Variants in BZW2 observed in about 807,000 individuals in gnomAD.
The protein encoded by BZW2 is basic leucine zipper and W2 domains 2.
Under a neutral mutation model 53.2 loss-of-function variants are expected in BZW2, and 23 were observed. That is an observed-to-expected ratio of 0.43 (90% confidence interval 0.31 to 0.61). BZW2 has a LOEUF of 0.61. Among genes scored for constraint, BZW2 ranks in the 20% least tolerant of loss-of-function variants. The pLI is 0.09. For synonymous variants in BZW2, 227 were observed against 186.4 expected (o/e 1.22, Z -1.77); for missense variants, 409 against 503.1 (o/e 0.81, Z 1.79).
chr7:16,658,870 G>A (rs1052332133), intron 1 of BZW2, among the ~76,000 whole-genome samples: 5 of 149,400 alleles, frequency 3.3e-5, no homozygotes, highest in Admixed American at 1.3e-4. Flanking sequence ...GCAAGAATCC[G>A]TCTCAGAAAA....
chr7:16,674,180 G>A (rs1000193234), intron 2 of BZW2, among the ~76,000 whole-genome samples: 9 of 152,182 alleles, frequency 5.9e-5, no homozygotes, highest in East Asian at 1.9e-4. Context: ...GATTACAGGC[G>A]TGAGCCACCG....
chr7:16,665,934 C>G (rs761907226), intron 2 of BZW2, among the ~76,000 whole-genome samples: 9 of 152,110 alleles, frequency 5.9e-5, no homozygotes, highest in African/African-American at 9.7e-5. Flanking sequence ...CAAAATAAAT[C>G]TACTGCCCTA....
At chr7:16,698,004 C>T in intron 9 of BZW2, 44 bp from the exon 10 acceptor site, 1 of 1,611,442 alleles carries the variant, frequency 6.2e-7, no homozygotes. Flanking sequence ...CGGCTCTGTA[C>T]CTCCCACGCA....
At chr7:16,658,088 G>C (rs1267115836) in intron 1 of BZW2, among the ~76,000 whole-genome samples, 3 of 152,170 alleles carry the variant, frequency 2.0e-5, no homozygotes, top group African/African-American at 7.2e-5. Flanking sequence ...GATTGAATGA[G>C]CTGGCTAGCC....
In BZW2 at chr7:16,681,314, G is replaced by A. The variant is rs762860923; in HGVS notation, c.249G>A (p.Thr83=). ...TTCTCTTTTTAGCCCCTGGAGGAAC[G>A]CGCATAGATGATGGTGACAAGACCA... ...VAGSMLAPGG[T]RIDDGDKTKM... The change falls in exon 4 of 12, where the codon ACG becomes ACA. Residue 83 remains threonine (T), a synonymous_variant. Transcript: ENST00000258761. 46 of 1,613,620 alleles carry A rather than the reference G, an allele frequency of 2.9e-5. No individual in the cohort carries two copies. Among genetic ancestry groups the A allele is most frequent in the Middle Eastern group, 1.6e-4 (1 of 6,084 alleles).
At chr7:16,693,825 A>T (rs904726194) in intron 7 of BZW2, among the ~76,000 whole-genome samples, 5 of 152,232 alleles carry the variant, frequency 3.3e-5, no homozygotes, top group Non-Finnish European at 5.9e-5. Flanking sequence ...TTTTTGAAAC[A>T]TATGACTCAA....
intron 10 of BZW2, among the ~76,000 whole-genome samples, chr7:16,699,385 T>C (rs941727100): frequency 2.0e-5 from 3 of 152,182 alleles, no homozygotes; most frequent in Admixed American, 6.5e-5. Flanking sequence ...AATTCATAGA[T>C]GGTACCCAGC....
intron 8 of BZW2, chr7:16,696,101 C>T (rs1295579045): frequency 6.6e-6 from 1 of 151,278 alleles, no homozygotes; most frequent in Non-Finnish European, 1.5e-5. Context: ...GGCCAGAAGT[C>T]AAGAAAGCAA....
intron 10 of BZW2, chr7:16,698,407 A>G (rs1238184657): frequency 2.1e-6 from 1 of 467,868 alleles, no homozygotes; most frequent in Admixed American, 3.5e-5. Context: ...GCCCCTGGGC[A>G]CTTCTCATTG....
intron 1 of BZW2, among the ~76,000 whole-genome samples, chr7:16,654,534 A>G (rs1583699008): frequency 8.1e-6 from 1 of 123,228 alleles, no homozygotes. Flanking sequence ...AAAAAAACGG[A>G]TGATATTTAT....
intron 2 of BZW2, among the ~76,000 whole-genome samples, chr7:16,669,759 T>G (rs929116067): frequency 1.3e-5 from 2 of 152,208 alleles, no homozygotes; most frequent in African/African-American, 4.8e-5. Context: ...TTCTTCTCTA[T>G]GTCAGTACAA....
At chr7:16,692,917 A>G (rs1256339092) in intron 7 of BZW2, among the ~76,000 whole-genome samples, 2 of 152,238 alleles carry the variant, frequency 1.3e-5, no homozygotes, top group Non-Finnish European at 2.9e-5. Context: ...ATCTCCACAT[A>G]GAGCATTCCA....
chr7:16,663,546 A>T (rs1782330454), intron 1 of BZW2, among the ~76,000 whole-genome samples: 1 of 152,112 alleles, frequency 6.6e-6, no homozygotes, highest in South Asian at 2.1e-4. Context: ...TTTCTCTTTT[A>T]TGTGTAAGAA....
intron 1 of BZW2, 65 bp from the exon 2 acceptor site, chr7:16,665,372 G>A (rs1583709390): frequency 6.3e-7 from 1 of 1,582,332 alleles, no homozygotes. Context: ...CAAACTTATT[G>A]GCCATATGTT....
At chr7:16,698,689 C>G (rs1444848075) in intron 10 of BZW2, among the ~76,000 whole-genome samples, 1 of 152,120 alleles carries the variant, frequency 6.6e-6, no homozygotes, top group Non-Finnish European at 1.5e-5. Context: ...CATTTACTGT[C>G]TTTTCATTGT....
At chr7:16,671,951 G>T (rs966710370) in intron 2 of BZW2, among the ~76,000 whole-genome samples, 4 of 100,452 alleles carry the variant, frequency 4.0e-5, no homozygotes, top group Non-Finnish European at 6.0e-5. Context: ...AAAAAAATCG[G>T]AACACTAACA....
intron 2 of BZW2, among the ~76,000 whole-genome samples, chr7:16,670,607 G>A (rs1047078182): frequency 6.6e-6 from 1 of 152,212 alleles, no homozygotes; most frequent in Non-Finnish European, 1.5e-5. Context: ...CAAGGAAGGA[G>A]AATTGCCTGT....
chr7:16,679,716 G>A (rs1264917587), intron 3 of BZW2, among the ~76,000 whole-genome samples: 1 of 152,188 alleles, frequency 6.6e-6, no homozygotes, highest in Admixed American at 6.5e-5. Flanking sequence ...GAGAGTGTTT[G>A]TCTTTTCAGC....
At chr7:16,672,872 G>A (rs1318692989) in intron 2 of BZW2, among the ~76,000 whole-genome samples, 1 of 150,966 alleles carries the variant, frequency 6.6e-6, no homozygotes, top group East Asian at 1.9e-4. Flanking sequence ...GCAGACTCAT[G>A]TGTCCATTTC....
Sources: gnomAD v4.1 joint callset for allele counts (sites outside exome capture counted in the v4.1 genomes callset) on GRCh38, gnomAD v4.1.1 for gene constraint, MANE v1.5 for transcripts, NCBI Gene and HGNC (gene_info 2026-07-23, HGNC 2026-07-21) for gene names.